The following FARP2 variants were observed in gnomAD, a reference collection of about 807,000 sequenced individuals.
FARP2 encodes FERM, ARH/RhoGEF and pleckstrin domain protein 2.
Under a neutral mutation model 130.5 loss-of-function variants are expected in FARP2, and 111 were observed. The ratio of observed to expected loss-of-function variants is 0.85; its 90% CI spans 0.73 to 1.00. The LOEUF is 1.00. Among genes scored for constraint, FARP2 ranks in the 50% least tolerant of loss-of-function variants. The pLI, the probability that FARP2 is intolerant of heterozygous loss-of-function variation, is 0.00. For missense variants in FARP2, 1,385 were observed against 1,346.3 expected (o/e 1.03, Z -0.45); for synonymous variants, 504 against 516.9 (o/e 0.98, Z 0.34).
At chr2:241,450,415 C>G (rs187286208) in intron 13 of FARP2, among the ~76,000 whole-genome samples, 1 of 152,080 alleles carries the variant, frequency 6.6e-6, no homozygotes, top group East Asian at 1.9e-4. Flanking sequence ...CGCCTGTAGT[C>G]CCAGCACTTT....
rs532886472 is a variant in FARP2 at position 241,434,320 on chromosome 2, A to T, written c.1030A>T (p.Ser344Cys). The T allele has an allele frequency of 1.9e-6, 3 of 1,605,034 alleles. No individual in the cohort carries two copies. In the South Asian group the frequency reaches 3.4e-5, roughly 18 times the overall value. Residue 344 changes from serine (S) to cysteine (C), a missense_variant and splice_region_variant, in exon 10 of 27, where the codon AGT (serine) becomes TGT (cysteine). Ser to Cys is a moderately radical substitution (Grantham distance 112). Coordinates refer to ENST00000264042, the MANE Select transcript of FARP2 (RefSeq NM_014808.4). ...CAGCCGGGGCTCCTCCTTCAGATAC[A>T]GGTAGGGGCCATGCCGTGGCTTGCA... ...FFSRGSSFRYSGRTQKQLVDY... is the reference protein window; with the variant it reads ...FFSRGSSFRYCGRTQKQLVDY...
chr2:241,440,048 G>T (rs1457632480), intron 12 of FARP2, among the ~76,000 whole-genome samples: 1 of 152,182 alleles, frequency 6.6e-6, no homozygotes, highest in East Asian at 1.9e-4. Flanking sequence ...GAATATGGTT[G>T]AATAATTGAG....
chr2:241,462,827 T>C (rs1168072280), intron 15 of FARP2, among the ~76,000 whole-genome samples: 2 of 151,958 alleles, frequency 1.3e-5, no homozygotes, highest in Admixed American at 6.6e-5. Context: ...GTAGCTAGGA[T>C]TACAGGCGCC....
At chr2:241,429,266 A>G (rs1018437916) in intron 8 of FARP2, among the ~76,000 whole-genome samples, 1 of 151,890 alleles carries the variant, frequency 6.6e-6, no homozygotes, top group East Asian at 1.9e-4. Flanking sequence ...GTTGTTTACT[A>G]CAGAAGGTCC....
chr2:241,492,650 TTGGA>T (rs2064963625), intron 24 of FARP2: 3 of 364,196 alleles, frequency 8.2e-6, no homozygotes, highest in Non-Finnish European at 1.5e-5. Flanking sequence ...CTTCTGGCTG[TTGGA>T]TGGGTTTGTG....
At chr2:241,414,544 A>G (rs1020152793) in intron 7 of FARP2, among the ~76,000 whole-genome samples, 6 of 152,170 alleles carry the variant, frequency 3.9e-5, no homozygotes, top group Admixed American at 1.3e-4. Context: ...TGCTGTCAGC[A>G]CTGGGGAGCT....
At chr2:241,373,642 G>C (rs151318812) in intron 2 of FARP2, among the ~76,000 whole-genome samples, 15 of 152,128 alleles carry the variant, frequency 9.9e-5, no homozygotes, top group Admixed American at 9.8e-4. Context: ...ACCTGGATGC[G>C]GGGATGCCAC....
intron 12 of FARP2, among the ~76,000 whole-genome samples, chr2:241,439,485 A>G (rs561318317): frequency 2.0e-5 from 3 of 152,150 alleles, no homozygotes; most frequent in South Asian, 2.1e-4. Context: ...GCATGCCACA[A>G]TGCCTGGCTG....
At chr2:241,476,802 G>A (rs187012425) in intron 19 of FARP2, among the ~76,000 whole-genome samples, 9 of 152,268 alleles carry the variant, frequency 5.9e-5, no homozygotes, top group African/African-American at 1.4e-4. Flanking sequence ...ACAAGGTTAT[G>A]TAGCCATCAA....
intron 14 of FARP2, among the ~76,000 whole-genome samples, chr2:241,457,633 G>A (rs1221793124): frequency 3.0e-5 from 3 of 100,042 alleles, no homozygotes; most frequent in Non-Finnish European, 6.3e-5. Flanking sequence ...ACTAGGGACC[G>A]CTTTGGGTTC....
At chr2:241,460,305 G>A (rs2063980675) in intron 14 of FARP2, among the ~76,000 whole-genome samples, 2 of 152,088 alleles carry the variant, frequency 1.3e-5, no homozygotes, top group African/African-American at 4.8e-5. Flanking sequence ...TTTTAGAGAT[G>A]GGGTCCGTCT....
At chr2:241,478,135 A>G (rs1449015476) in intron 19 of FARP2, among the ~76,000 whole-genome samples, 1 of 152,028 alleles carries the variant, frequency 6.6e-6, no homozygotes, top group Non-Finnish European at 1.5e-5. Context: ...TAGATGTTAT[A>G]TCTAAGAAAC....
At chr2:241,442,248 G>A in intron 13 of FARP2, 1 of 456,670 alleles carries the variant, frequency 2.2e-6, no homozygotes, top group Non-Finnish European at 4.4e-6. Flanking sequence ...CCAGCTCCAT[G>A]GTCAACTTCC....
In FARP2 at chr2:241,484,263, A is replaced by G. The variant is rs777422887; in HGVS notation, c.2353A>G (p.Thr785Ala). Residue 785 changes from threonine to alanine, a missense_variant, in exon 21 of 27, where the codon ACA becomes GCA. Transcript: ENST00000264042. The part of the protein sequence containing the change: ...FFLFSDMLLY[T>A]SKGVAGTSHF... ...TCAGTTCTCAGATATGTTGCTGTAC[A>G]CAAGCAAAGGAGTTGCAGGGACCAG... 4 of 1,614,156 alleles carry G rather than the reference A, an allele frequency of 2.5e-6. No individual in the cohort carries two copies. The highest frequency in any genetic ancestry group is 3.4e-6 in the Non-Finnish European group (4 of 1,179,990).
At chr2:241,455,734 T>C (rs2063815370) in intron 13 of FARP2, among the ~76,000 whole-genome samples, 1 of 139,376 alleles carries the variant, frequency 7.2e-6, no homozygotes, top group African/African-American at 2.7e-5. Flanking sequence ...TCTAAAGTTT[T>C]CTTTTTTTTT....
chr2:241,490,108 A>G (rs2064856635), intron 22 of FARP2, 64 bp downstream of exon 22: 2 of 1,193,390 alleles, frequency 1.7e-6, no homozygotes, highest in African/African-American at 3.0e-5. Context: ...CTTCCTCGCC[A>G]TGAGCCTCTG....
At chr2:241,480,857 CT>C (rs2064596576) in intron 19 of FARP2, among the ~76,000 whole-genome samples, 2 of 152,016 alleles carry the variant, frequency 1.3e-5, no homozygotes, top group Non-Finnish European at 2.9e-5. Context: ...CAACTTCATT[CT>C]TTTGCATGTG....
intron 1 of FARP2, among the ~76,000 whole-genome samples, chr2:241,359,420 A>G (rs936651631): frequency 2.0e-5 from 3 of 152,188 alleles, no homozygotes; most frequent in South Asian, 2.1e-4. Flanking sequence ...CTACTTTGGT[A>G]TGAGATTCCA....
intron 1 of FARP2, among the ~76,000 whole-genome samples, chr2:241,363,056 GGAT>G (rs2061225708): frequency 1.3e-5 from 2 of 152,202 alleles, no homozygotes; most frequent in African/African-American, 4.8e-5. Context: ...GGTAACAGGC[GGAT>G]GGGAGAGAAG....
Sources: gnomAD v4.1 joint callset for allele counts (sites outside exome capture counted in the v4.1 genomes callset) on GRCh38, gnomAD v4.1.1 for gene constraint, MANE v1.5 for transcripts, NCBI Gene and HGNC (gene_info 2026-07-23, HGNC 2026-07-21) for gene names.